CEP164: variants seen among roughly 807,000 people sequenced by gnomAD.
CEP164 encodes the protein centrosomal protein 164.
CEP164 carries 162 observed loss-of-function variants against 182.7 expected under a neutral mutation model. That is an observed-to-expected ratio of 0.89 (90% confidence interval 0.78 to 1.01). The LOEUF is 1.01. Among genes scored for constraint, CEP164 ranks in the 50% least tolerant of loss-of-function variants. The pLI is 0.00. For synonymous variants in CEP164, 661 were observed against 690.0 expected (o/e 0.96, Z 0.66); for missense variants, 1,735 against 1,790.4 (o/e 0.97, Z 0.56).
chr11:117,360,815 G>A (rs1462267720), intron 5 of CEP164, among the ~76,000 whole-genome samples: 1 of 152,036 alleles, frequency 6.6e-6, no homozygotes, highest in Non-Finnish European at 1.5e-5. Flanking sequence ...ATCCATCTTT[G>A]TAAATAATAC....
intron 14 of CEP164, among the ~76,000 whole-genome samples, chr11:117,383,525 C>G (rs1335285652): frequency 6.6e-6 from 1 of 152,192 alleles, no homozygotes; most frequent in East Asian, 1.9e-4. Flanking sequence ...ATACAGTATA[C>G]AGGATTGATC....
intron 27 of CEP164, among the ~76,000 whole-genome samples, chr11:117,400,843 T>G (rs1161294935): frequency 6.6e-6 from 1 of 152,224 alleles, no homozygotes; most frequent in Non-Finnish European, 1.5e-5. Context: ...TTTTGTATCC[T>G]GAGACTTTGC....
At chr11:117,356,852 G>T (rs1414177117) in intron 5 of CEP164, among the ~76,000 whole-genome samples, 1 of 152,162 alleles carries the variant, frequency 6.6e-6, no homozygotes, top group African/African-American at 2.4e-5. Context: ...TCCCTTCCCT[G>T]GCTGTAATTG....
At chr11:117,334,784 CA>C (rs5795074) in intron 1 of CEP164, among the ~76,000 whole-genome samples, 357 of 102,968 alleles carry the variant, frequency 3.5e-3, no homozygotes, top group African/African-American at 9.5e-3. Context: ...GACTTCGTTT[CA>C]AAAAAAAAAA....
intron 13 of CEP164, 43 bp from the exon 14 acceptor site, chr11:117,382,753 T>G: frequency 6.2e-7 from 1 of 1,602,290 alleles, no homozygotes; most frequent in Middle Eastern, 1.7e-4. Context: ...GCCTCTTGCT[T>G]TCTTACTGGC....
At position 117,396,593 on chromosome 11, in the gene CEP164, A is replaced by T. The variant is rs377595013; in HGVS notation, c.3260A>T (p.Glu1087Val). 1 of 1,613,698 alleles carries T rather than the reference A, an allele frequency of 6.2e-7. No individual in the cohort carries two copies. Among genetic ancestry groups the T allele is most frequent in the Non-Finnish European group, 8.5e-7 (1 of 1,179,632 alleles). ...EVSSSLSQSK[E>V]DLYLDSLSSH... The stretch of plus-strand genomic sequence containing the variant: ...TCTTCTTCTCTCTCCCAGAGCAAGG[A>T]GGACTTATACTTGGACAGGTGAGTT... Residue 1087 changes from glutamate (E) to valine (V), a missense_variant, in exon 26 of 33, where the codon GAG (glutamate) becomes GTG (valine). Glu to Val is a moderately radical substitution (Grantham distance 121, BLOSUM62 -2). Coordinates refer to ENST00000278935, the MANE Select transcript of CEP164 (RefSeq NM_014956.5).
chr11:117,362,218 G>C lies in CEP164; in HGVS notation c.553-186G>C, dbSNP rs536301738. The stretch of plus-strand genomic sequence containing the variant: ...CATCAGTGCTGATTTCCAAGTCTCT[G>C]CAGCCAAGGCAGTAGGAGTAGGCAA... On this transcript the variant is annotated intron_variant, in intron 6 of 32. Coordinates refer to ENST00000278935, the MANE Select transcript of CEP164 (RefSeq NM_014956.5). 3.3e-5 allele frequency among the ~76,000 whole-genome samples: 5 copies of C among 152,308 alleles called. No homozygotes were observed. In the East Asian group the frequency reaches 9.6e-4, roughly 29 times the overall value.
intron 8 of CEP164, 65 bp from the exon 9 acceptor site, chr11:117,371,015 C>T: frequency 6.7e-7 from 1 of 1,482,268 alleles, no homozygotes; most frequent in Non-Finnish European, 9.1e-7. Flanking sequence ...CATCTTGTAG[C>T]ATGTCTCAAC....
Position 117,362,533 on chromosome 11 carries a change from A to C in CEP164, c.682A>C (p.Asn228His). 1.2e-6 allele frequency: 2 copies of C among 1,613,324 alleles called. No homozygotes were observed. The highest frequency in any genetic ancestry group is 1.7e-6 in the Non-Finnish European group (2 of 1,179,878). The change falls in exon 7 of 33, where the codon AAC (asparagine) becomes CAC (histidine). Residue 228 changes from asparagine to histidine, a missense_variant. Physicochemically the swap from Asn to His is moderately conservative, Grantham distance 68. Transcript: ENST00000278935. The stretch of plus-strand genomic sequence containing the variant: ...TGAGGAGGATGAGGAGGAAAGTGAC[A>C]ACCAGGTAATGATGAAGTCCTCTCC... ...TNEEDEEESD[N>H]QSVHSSSEPL... is the part of the protein sequence containing the mutation.
In CEP164 at chr11:117,410,111, T is replaced by C. The variant is rs1005051849; in HGVS notation, c.4096+146T>C. 13 of 799,386 alleles carry C rather than the reference T, an allele frequency of 1.6e-5. No homozygotes were observed. In the African/African-American group the frequency reaches 2.0e-4, roughly 13 times the overall value. The allele number at this position is 799,386 out of a possible 1,614,324, so 49.5% of individuals were successfully genotyped here. On this transcript the variant is annotated intron_variant, in intron 30 of 32. Coordinates refer to ENST00000278935, the MANE Select transcript of CEP164 (RefSeq NM_014956.5). Reference sequence around the variant, plus strand: ...CACCTCTCCTCCCCCAACGTTACCATAGTCCATTGGTCCATTGACTCTACC... The same window carrying C: ...CACCTCTCCTCCCCCAACGTTACCACAGTCCATTGGTCCATTGACTCTACC...
At chr11:117,334,710 G>C (rs1424457245) in intron 1 of CEP164, among the ~76,000 whole-genome samples, 2 of 151,312 alleles carry the variant, frequency 1.3e-5, no homozygotes, top group East Asian at 3.9e-4. Context: ...GCTTGAACCT[G>C]GGAGACAGAG....
Position 117,411,662 on chromosome 11 carries a change from A to G in CEP164, c.4164-133A>G. 1 of 1,264,888 alleles carries G rather than the reference A, an allele frequency of 7.9e-7. No homozygotes were observed. The highest frequency in any genetic ancestry group is 1.1e-6 in the Non-Finnish European group (1 of 908,454). The allele number at this position is 1,264,888 out of a possible 1,614,324, so 78.4% of individuals were successfully genotyped here. On this transcript the variant is annotated intron_variant, in intron 31 of 32. Coordinates refer to ENST00000278935, the MANE Select transcript of CEP164 (RefSeq NM_014956.5). The surrounding 1 kb of genome is among the most constrained non-coding windows in gnomAD (Gnocchi z 4.4). The stretch of plus-strand genomic sequence containing the variant: ...AGATGTTTTGAAGCTTTGAATTGCT[A>G]GGGACCTCGGAGAAGCTGCTCTGGT...
In CEP164 at chr11:117,394,258, C is replaced by A. The variant is rs530048150; in HGVS notation, c.2617-92C>A. On this transcript the variant is annotated intron_variant, in intron 20 of 32. Transcript: ENST00000278935. The surrounding 1 kb of genome is among the most constrained non-coding windows in gnomAD (Gnocchi z 4.0). ...GGAGCCGATGGTGTCCCTGATCTTA[C>A]TGATGCAAGGCTGCAGGGCTAGGGG... is the stretch of plus-strand genomic sequence containing the variant. 1.3e-6 allele frequency: 2 copies of A among 1,500,152 alleles called. No homozygotes were observed. The highest frequency in any genetic ancestry group is 2.5e-5 in the South Asian group (2 of 79,904). The allele number at this position is 1,500,152 out of a possible 1,614,324, so 92.9% of individuals were successfully genotyped here. A position where few individuals can be genotyped will look rare whatever the true frequency, so the allele number is the denominator to read the frequency against.
Position 117,387,237 on chromosome 11 carries a change from CT to C in CEP164, c.1760del (p.Leu587ProfsTer6). 6.2e-7 allele frequency: 1 copy of C among 1,614,190 alleles called. No individual in the cohort carries two copies. The highest frequency in any genetic ancestry group is 8.5e-7 in the Non-Finnish European group (1 of 1,180,014). ...STEPVAPPEQ[L>X]SEAALKAMEE... ...AGAGCCTGTGGCTCCCCCAGAGCAG[CT>C]CTCAGAGGCTGCACTAAAGGCCATG... On this transcript the variant is annotated frameshift_variant, in exon 15 of 33. Transcript: ENST00000278935. LOFTEE classifies it high-confidence loss of function.
chr11:117,325,041 C>T (rs960384209), upstream of CEP164, among the ~76,000 whole-genome samples: 1 of 152,110 alleles, frequency 6.6e-6, no homozygotes, highest in Non-Finnish European at 1.5e-5. Flanking sequence ...GAATTCCTTC[C>T]CAGTCTGGTC....
chr11:117,344,591 A>T (rs1035107984), intron 4 of CEP164, among the ~76,000 whole-genome samples: 1 of 152,106 alleles, frequency 6.6e-6, no homozygotes, highest in Non-Finnish European at 1.5e-5. Flanking sequence ...TTGCAGACTG[A>T]TATTGTAAGT....
chr11:117,411,843 G>C lies in CEP164; in HGVS notation c.4212G>C (p.Ala1404=), dbSNP rs369998799. ...ACTCCCATTCGCAAGTCCCTGAGGC[G>C]GGCAGCACCACCTTTCAGGGCATAA... ...LQHSHSQVPE[A]GSTTFQGIIE... Residue 1404 remains alanine, a synonymous_variant, in exon 32 of 33, where the codon GCG becomes GCC. Transcript: ENST00000278935. The surrounding 1 kb of genome is among the most constrained non-coding windows in gnomAD (Gnocchi z 4.4). 4.2e-5 allele frequency: 68 copies of C among 1,614,002 alleles called. No homozygotes were observed. The highest frequency in any genetic ancestry group is 5.6e-5 in the Non-Finnish European group (66 of 1,180,032).
intron 5 of CEP164, chr11:117,356,664 A>G (rs558475567): frequency 8.1e-7 from 1 of 1,231,514 alleles, no homozygotes; most frequent in East Asian, 6.3e-5. Context: ...CTTGGCAGGG[A>G]GGGAGCAGGT....
intron 5 of CEP164, among the ~76,000 whole-genome samples, chr11:117,360,934 G>T: frequency 7.1e-6 from 1 of 140,990 alleles, no homozygotes; most frequent in African/African-American, 2.6e-5. Flanking sequence ...CTTCTTATAT[G>T]GCTTTTTTTT....
Sources: allele counts gnomAD v4.1 joint callset (sites outside exome capture counted in the v4.1 genomes callset), GRCh38; gene constraint gnomAD v4.1.1; non-coding constraint Gnocchi (gnomAD v3.1); transcripts MANE v1.5; gene names NCBI Gene and HGNC (gene_info 2026-07-23, HGNC 2026-07-21).